The following SLF2 variants were observed in gnomAD, a reference collection of about 807,000 sequenced individuals.
The protein encoded by SLF2 is SMC5-SMC6 complex localization factor protein 2.
Under a neutral mutation model 124.3 loss-of-function variants are expected in SLF2, and 68 were observed. The observed-to-expected ratio is 0.55, with a 90% confidence interval of 0.45 to 0.67. SLF2 has a LOEUF of 0.67. SLF2 is among the 30% of genes least tolerant of loss of function. SLF2 has a pLI of 0.00. For synonymous variants in SLF2, 480 were observed against 478.8 expected (o/e 1.00, Z -0.03); for missense variants, 1,246 against 1,373.7 (o/e 0.91, Z 1.47).
At chr10:100,943,357 ATTATC>A (rs1433055093) in intron 11 of SLF2, among the ~76,000 whole-genome samples, 3 of 152,250 alleles carry the variant, frequency 2.0e-5, no homozygotes, top group Non-Finnish European at 4.4e-5. Context: ...ACTTGTAGTA[ATTATC>A]TTAGGAAGGA....
At chr10:100,933,109 C>A (rs1849777946) in intron 9 of SLF2, among the ~76,000 whole-genome samples, 1 of 152,160 alleles carries the variant, frequency 6.6e-6, no homozygotes, top group South Asian at 2.1e-4. Context: ...ATCAAAAAAA[C>A]AAACAAAAAA....
In SLF2 at chr10:100,924,463, C is replaced by T; in HGVS notation, c.1462C>T (p.Pro488Ser). The T allele has an allele frequency of 6.2e-7, 1 of 1,614,100 alleles. No individual in the cohort carries two copies. The highest frequency in any genetic ancestry group is 8.5e-7 in the Non-Finnish European group (1 of 1,180,020). ...TCCAAGTGCTGGTTCCTCTCTAGTA[C>T]CATTAAATGCTAAAAATTGTGCTCT... ...RVPSAGSSLV[P>S]LNAKNCALPV... The change falls in exon 5 of 20, where the codon CCA becomes TCA. Residue 488 changes from proline (P) to serine (S), a missense_variant. This residue lies in a region of SLF2 where 698 missense variants were observed against 708.9 expected (regional missense o/e 0.98). Transcript: ENST00000238961.
At chr10:100,923,713 G>T (rs1849559812) in intron 4 of SLF2, among the ~76,000 whole-genome samples, 1 of 152,066 alleles carries the variant, frequency 6.6e-6, no homozygotes, top group African/African-American at 2.4e-5. Context: ...TTAGGGAGTG[G>T]CATCTTTAAT....
intron 1 of SLF2, chr10:100,913,775 C>G (rs1248977112): frequency 1.0e-6 from 1 of 986,036 alleles, no homozygotes; most frequent in Non-Finnish European, 1.2e-6. Flanking sequence ...AGTAACTTCA[C>G]GCCTCTCCAA....
chr10:100,923,975 C>T lies in SLF2; in HGVS notation c.974C>T (p.Ala325Val), dbSNP rs772393957. 2.0e-6 allele frequency: 3 copies of T among 1,496,738 alleles called. No homozygotes were observed. In the Admixed American group the frequency reaches 7.0e-5, roughly 35 times the overall value. 92.7% of individuals were successfully genotyped at this position (1,496,738 alleles called of 1,614,324 possible). Residue 325 changes from alanine to valine, a missense_variant and splice_region_variant, in exon 5 of 20, where the codon GCA becomes GTA. Physicochemically the swap from Ala to Val is moderately conservative, Grantham distance 64. Coordinates refer to ENST00000238961, the MANE Select transcript of SLF2 (RefSeq NM_018121.4). ...TAATCTAACAAAAATTAAATTTTAG[C>T]AGGCTCTAAGCAGAATAAATTCCCT... Reference protein sequence around the residue: ...SSSDSWEPTSAGSKQNKFPEK... With the variant: ...SSSDSWEPTSVGSKQNKFPEK...
chr10:100,931,125 TAAGTC>T (rs1482334178), intron 9 of SLF2, 47 bp downstream of exon 9: 1 of 1,408,038 alleles, frequency 7.1e-7, no homozygotes, highest in South Asian at 1.2e-5. Flanking sequence ...ACTATATTTC[TAAGTC>T]AAAAGCTTTT....
intron 1 of SLF2, 41 bp downstream of exon 1, chr10:100,913,291 G>A (rs781460219): frequency 2.0e-6 from 3 of 1,518,724 alleles, no homozygotes; most frequent in South Asian, 2.5e-5. Flanking sequence ...GGTCGCGGGG[G>A]CAAGGGTATG....
intron 9 of SLF2, among the ~76,000 whole-genome samples, chr10:100,936,452 G>T (rs866624392): frequency 6.6e-6 from 1 of 152,024 alleles, no homozygotes; most frequent in Non-Finnish European, 1.5e-5. Context: ...CCCTGCCTCA[G>T]CCTCCCGAGT....
At chr10:100,919,134 C>A (rs565344046) in intron 4 of SLF2, among the ~76,000 whole-genome samples, 131 of 151,202 alleles carry the variant, frequency 8.7e-4, no homozygotes, top group Admixed American at 3.9e-3. Flanking sequence ...GCCTCAGCCT[C>A]CCAAATATCT....
chr10:100,939,552 C>G (rs895502593), intron 11 of SLF2, among the ~76,000 whole-genome samples: 7 of 151,870 alleles, frequency 4.6e-5, no homozygotes, highest in Non-Finnish European at 1.0e-4. Context: ...GTGGCACGCA[C>G]CTGTAGTCCC....
chr10:100,936,918 A>C (rs906381398), intron 9 of SLF2, among the ~76,000 whole-genome samples: 2 of 152,056 alleles, frequency 1.3e-5, no homozygotes, highest in Admixed American at 6.6e-5. Flanking sequence ...CTTTAGAATT[A>C]AATTCCACCT....
At chr10:100,947,501 T>A (rs1850126752) in intron 14 of SLF2, among the ~76,000 whole-genome samples, 1 of 152,184 alleles carries the variant, frequency 6.6e-6, no homozygotes, top group Non-Finnish European at 1.5e-5. Context: ...AAAAATAGGT[T>A]TTCTGTCAGT....
chr10:100,928,068 CGAG>C (rs1849652060), intron 6 of SLF2, among the ~76,000 whole-genome samples: 3 of 59,532 alleles, frequency 5.0e-5, no homozygotes, highest in Non-Finnish European at 1.1e-4. Context: ...CACACACACA[CGAG>C]AGAGAGACAG....
At chr10:100,931,890 G>A (rs190247212) in intron 9 of SLF2, among the ~76,000 whole-genome samples, 1 of 152,184 alleles carries the variant, frequency 6.6e-6, no homozygotes, top group East Asian at 1.9e-4. Context: ...TACTCAGGAG[G>A]CTGAGGCTGG....
chr10:100,930,023 T>C (rs1382444129), intron 8 of SLF2, 26 bp downstream of exon 8: 2 of 1,403,550 alleles, frequency 1.4e-6, no homozygotes, highest in Non-Finnish European at 1.9e-6. Context: ...GACATTTTAC[T>C]TTTATATGTA....
intron 4 of SLF2, among the ~76,000 whole-genome samples, chr10:100,920,887 T>C (rs1849512079): frequency 6.6e-6 from 1 of 152,200 alleles, no homozygotes; most frequent in Non-Finnish European, 1.5e-5. Context: ...AGGTGGAGGT[T>C]GCAGTGAGCT....
At chr10:100,932,013 A>G (rs1849745953) in intron 9 of SLF2, among the ~76,000 whole-genome samples, 1 of 151,926 alleles carries the variant, frequency 6.6e-6, no homozygotes. Context: ...AGACATTTAT[A>G]TGGGAGGGCA....
chr10:100,953,001 C>T lies in SLF2; in HGVS notation c.3330+2248C>T, dbSNP rs117592907. Among the ~76,000 whole-genome samples the T allele has an allele frequency of 9.2e-5, 14 of 152,162 alleles. 1 individual carries two copies. In the East Asian group the frequency reaches 2.7e-3, roughly 29 times the overall value. On this transcript the variant is annotated intron_variant, in intron 17 of 19. Coordinates refer to ENST00000238961, the MANE Select transcript of SLF2 (RefSeq NM_018121.4). ...AATATAGTCATCTGTAATGTTCTTA[C>T]ATGGTTTTTATATTTTATACATTTT...
chr10:100,917,921 A>T (rs551246691), intron 3 of SLF2, among the ~76,000 whole-genome samples: 2 of 149,588 alleles, frequency 1.3e-5, no homozygotes, highest in African/African-American at 4.8e-5. Flanking sequence ...CTCTACTACA[A>T]ATAAATAAAT....
Sources: allele counts gnomAD v4.1 joint callset (sites outside exome capture counted in the v4.1 genomes callset), GRCh38; gene constraint gnomAD v4.1.1; regional missense constraint gnomAD v4.1.1; transcripts MANE v1.5; gene names NCBI Gene and HGNC (gene_info 2026-07-23, HGNC 2026-07-21).